DRD3: variants seen among roughly 807,000 people sequenced by gnomAD.
The protein encoded by DRD3 is dopamine receptor D3.
Under a neutral mutation model 36.3 loss-of-function variants are expected in DRD3, and 19 were observed. The ratio of observed to expected loss-of-function variants is 0.52; its 90% CI spans 0.36 to 0.77. The LOEUF is 0.77. DRD3 is among the 30% of genes least tolerant of loss of function. The pLI is 0.00. For missense variants in DRD3, 465 were observed against 505.3 expected (o/e 0.92, Z 0.77); for synonymous variants, 195 against 203.7 (o/e 0.96, Z 0.36).
rs1167448618 is a variant in DRD3 at position 114,178,678 on chromosome 3, C to G, written c.-57G>C. 6.6e-6 allele frequency: 1 copy of G among 152,142 alleles called. No individual in the cohort carries two copies. Among genetic ancestry groups the G allele is most frequent in the East Asian group, 1.9e-4 (1 of 5,198 alleles). The allele number at this position is 152,142 out of a possible 1,614,324, so 9.4% of individuals were successfully genotyped here. ...TTACCCTAAAATTTTCTTCTGATTT[C>G]TGGAGACCGAGGAGTTTACCACTTC... On this transcript the variant is annotated 5_prime_UTR_variant, in exon 1 of 7. Coordinates refer to ENST00000383673, the MANE Select transcript of DRD3 (RefSeq NM_000796.6).
chr3:114,141,355 A>C (rs1173050438), intron 4 of DRD3, among the ~76,000 whole-genome samples: 1 of 152,202 alleles, frequency 6.6e-6, no homozygotes, highest in Non-Finnish European at 1.5e-5. Context: ...TAAATATGCA[A>C]AGCTTCAGTT....
At chr3:114,157,827 G>T (rs1005971594) in intron 3 of DRD3, among the ~76,000 whole-genome samples, 2 of 152,128 alleles carry the variant, frequency 1.3e-5, no homozygotes, top group Non-Finnish European at 2.9e-5. Flanking sequence ...GGTAGGCCAG[G>T]CACAGTGGCT....
chr3:114,173,436 C>G (rs2077866078), intron 1 of DRD3, among the ~76,000 whole-genome samples: 1 of 152,134 alleles, frequency 6.6e-6, no homozygotes. Flanking sequence ...AGGGAATTCT[C>G]TACCCAACTG....
At chr3:114,181,054 G>A (rs1363647125), upstream of DRD3, among the ~76,000 whole-genome samples, 1 of 152,210 alleles carries the variant, frequency 6.6e-6, no homozygotes, top group African/African-American at 2.4e-5. Flanking sequence ...ATGCGTGAAT[G>A]TAGTAGGAAG....
intron 1 of DRD3, among the ~76,000 whole-genome samples, chr3:114,193,553 A>G (rs1305671024): frequency 6.6e-6 from 1 of 152,146 alleles, no homozygotes; most frequent in Non-Finnish European, 1.5e-5. Flanking sequence ...CTGGACTTCT[A>G]TTTCACCTAC....
At chr3:114,187,157 GGT>G (rs1164536297) in intron 1 of DRD3, among the ~76,000 whole-genome samples, 1 of 152,180 alleles carries the variant, frequency 6.6e-6, no homozygotes, top group African/African-American at 2.4e-5. Context: ...TCAAAGAACA[GGT>G]CATGTGTTTT....
chr3:114,162,908 C>T (rs1476716574), intron 2 of DRD3, among the ~76,000 whole-genome samples: 3 of 152,186 alleles, frequency 2.0e-5, no homozygotes, highest in African/African-American at 7.2e-5. Context: ...CTGATTGCCT[C>T]TATCCCAGGG....
chr3:114,130,373 A>T (rs1045872747), intron 6 of DRD3, among the ~76,000 whole-genome samples: 3 of 152,062 alleles, frequency 2.0e-5, no homozygotes, highest in African/African-American at 7.2e-5. Flanking sequence ...CACTTTTGAT[A>T]TATTGGTGAA....
At chr3:114,171,615 C>T in intron 2 of DRD3, 108 bp downstream of exon 2, 1 of 1,367,970 alleles carries the variant, frequency 7.3e-7, no homozygotes, top group Non-Finnish European at 9.7e-7. Flanking sequence ...TCCTTCCTTC[C>T]TCAGTTCCTG....
At chr3:114,130,422 C>T (rs1369781058) in intron 6 of DRD3, among the ~76,000 whole-genome samples, 1 of 141,820 alleles carries the variant, frequency 7.1e-6, no homozygotes, top group East Asian at 2.2e-4. Context: ...TTAAAATAAT[C>T]TAGATTTTTT....
At position 114,139,699 on chromosome 3, in the gene DRD3, G is replaced by A; in HGVS notation, c.527-3C>T. 3.7e-6 allele frequency: 6 copies of A among 1,613,692 alleles called. No homozygotes were observed. The highest frequency in any genetic ancestry group is 5.1e-6 in the Non-Finnish European group (6 of 1,179,748). ...GATGGAGCAGACAGTGGGGTCCCCT[G>A]TGGATGAGAAGGGGGAAGGTAAAGC... On this transcript the variant is annotated splice_polypyrimidine_tract_variant and splice_region_variant and intron_variant, in intron 4 of 6. Transcript: ENST00000383673.
chr3:114,172,873 G>A (rs2077860420), intron 1 of DRD3, among the ~76,000 whole-genome samples: 1 of 151,888 alleles, frequency 6.6e-6, no homozygotes, highest in African/African-American at 2.4e-5. Flanking sequence ...TGTGACTTAG[G>A]GAGTAACCCT....
At chr3:114,151,091 T>C (rs2077612797) in intron 3 of DRD3, among the ~76,000 whole-genome samples, 2 of 152,172 alleles carry the variant, frequency 1.3e-5, no homozygotes, top group Non-Finnish European at 2.9e-5. Flanking sequence ...AGTCCTCTCT[T>C]AAATCCCCTC....
Position 114,159,742 on chromosome 3 carries a change from A to T in DRD3, c.383+13T>A. On this transcript the variant is annotated intron_variant, in intron 3 of 6. Coordinates refer to ENST00000383673, the MANE Select transcript of DRD3 (RefSeq NM_000796.6). ...AGCTTTTGGGCCACCTGGAAGGGGA[A>T]TTGCAGCCCTACCTGTCTATGCTGA... The T allele has an allele frequency of 6.2e-7, 1 of 1,612,278 alleles. No homozygotes were observed. The highest frequency in any genetic ancestry group is 1.1e-5 in the South Asian group (1 of 90,982).
chr3:114,165,914 G>A (rs947091916), intron 2 of DRD3, among the ~76,000 whole-genome samples: 1 of 151,772 alleles, frequency 6.6e-6, no homozygotes, highest in African/African-American at 2.4e-5. Flanking sequence ...TGGGGCCTGG[G>A]GCTTACTCTA....
chr3:114,162,913 C>T (rs906304635), intron 2 of DRD3, among the ~76,000 whole-genome samples: 44 of 152,240 alleles, frequency 2.9e-4, no homozygotes, highest in African/African-American at 1.1e-3. Flanking sequence ...TGCCTCTATC[C>T]CAGGGTTCAA....
intron 1 of DRD3, among the ~76,000 whole-genome samples, chr3:114,196,417 C>T (rs2078035914): frequency 6.6e-6 from 1 of 152,270 alleles, no homozygotes; most frequent in African/African-American, 2.4e-5. Context: ...TGGGCTCAAA[C>T]AATCCTCCTG....
intron 1 of DRD3, chr3:114,176,300 G>A (rs2077898286): frequency 1.3e-5 from 2 of 152,120 alleles, no homozygotes; most frequent in South Asian, 4.2e-4. Flanking sequence ...CATGGAAGTT[G>A]ACGTTAGTCA....
intron 2 of DRD3, among the ~76,000 whole-genome samples, chr3:114,170,867 T>C (rs1216633194): frequency 6.6e-6 from 1 of 152,238 alleles, no homozygotes; most frequent in African/African-American, 2.4e-5. Flanking sequence ...GAAATATTAA[T>C]AGTATACTCA....
Sources: allele counts gnomAD v4.1 joint callset (sites outside exome capture counted in the v4.1 genomes callset), GRCh38; gene constraint gnomAD v4.1.1; transcripts MANE v1.5; gene names NCBI Gene and HGNC (gene_info 2026-07-23, HGNC 2026-07-21).